The following MYO10 variants were observed in gnomAD, a reference collection of about 807,000 sequenced individuals.
MYO10 encodes myosin X.
In MYO10, 133 loss-of-function variants were observed where a neutral mutation model predicts 257.3. The observed-to-expected ratio is 0.52, with a 90% confidence interval of 0.45 to 0.60. The LOEUF (loss-of-function observed/expected upper bound fraction) is 0.60. Ranked by LOEUF, MYO10 falls within the 20% of genes least tolerant of loss-of-function variation. The probability of loss-of-function intolerance (pLI) is 0.00; values close to 1 mark genes in which losing one functional copy is unlikely to be tolerated. For missense variants in MYO10, 2,399 were observed against 2,635.7 expected, an observed-to-expected ratio of 0.91 and a Z score of 1.97; for synonymous variants, 1,104 against 1,028.6, an observed-to-expected ratio of 1.07 and a Z score of -1.40.
intron 4 of MYO10, among the ~76,000 whole-genome samples, chr5:16,793,745 C>T (rs1283881606): frequency 6.6e-6 from 1 of 152,132 alleles, no homozygotes; most frequent in Non-Finnish European, 1.5e-5. Flanking sequence ...GCCTGACCAA[C>T]ACAGAGAAAC....
Position 16,663,888 on chromosome 5 carries a change from C to T in MYO10, c.*2804G>A, listed in dbSNP as rs1410886819. On this transcript the variant is annotated 3_prime_UTR_variant, in exon 41 of 41. Transcript: ENST00000513610. ...TGAGCATCTGTGAATTTTGTATCCTCAGGGGTGGGGGGAGGGGGTCCTGGA... is the reference window on the plus strand; with the variant it reads ...TGAGCATCTGTGAATTTTGTATCCTTAGGGGTGGGGGGAGGGGGTCCTGGA... 1 of 89,738 alleles carries T rather than the reference C, an allele frequency of 1.1e-5. No individual in the cohort carries two copies. Among genetic ancestry groups the T allele is most frequent in the African/African-American group, 4.6e-5 (1 of 21,622 alleles). The allele number at this position is 89,738 out of a possible 1,614,324, so 5.6% of individuals were successfully genotyped here.
chr5:16,711,393 A>C, intron 19 of MYO10, 148 bp from the exon 20 acceptor site: 1 of 845,680 alleles, frequency 1.2e-6, no homozygotes, highest in Non-Finnish European at 1.8e-6. Context: ...AGAGACTAGC[A>C]CAGGAACCCC....
At chr5:16,862,518 C>T (rs1239039301) in intron 2 of MYO10, among the ~76,000 whole-genome samples, 2 of 151,990 alleles carry the variant, frequency 1.3e-5, no homozygotes, top group Admixed American at 6.6e-5. Flanking sequence ...TTTTTGTTCC[C>T]AAACAAGGCC....
chr5:16,707,246 G>A (rs533409579), intron 21 of MYO10, among the ~76,000 whole-genome samples: 36 of 152,090 alleles, frequency 2.4e-4, no homozygotes, highest in South Asian at 2.1e-4. Context: ...ACCCAGTCTC[G>A]GGTATGTCTT....
chr5:16,736,831 T>C (rs1247405049), intron 19 of MYO10, among the ~76,000 whole-genome samples: 3 of 152,234 alleles, frequency 2.0e-5, no homozygotes, highest in Admixed American at 6.5e-5. Flanking sequence ...TTGGCCTTCA[T>C]AATCCAGCGG....
intron 19 of MYO10, among the ~76,000 whole-genome samples, 188 bp from the exon 20 acceptor site, chr5:16,711,433 G>A (rs1199400393): frequency 6.6e-6 from 1 of 152,076 alleles, no homozygotes; most frequent in African/African-American, 2.4e-5. Context: ...CTTAACAACC[G>A]TCAACCCCTG....
At chr5:16,850,603 G>A (rs1391115535) in intron 2 of MYO10, among the ~76,000 whole-genome samples, 1 of 151,510 alleles carries the variant, frequency 6.6e-6, no homozygotes, top group African/African-American at 2.4e-5. Flanking sequence ...ATTTTAGAAA[G>A]AAAAATGAAA....
At chr5:16,685,928 T>G in intron 28 of MYO10, 97 bp from the exon 29 acceptor site, 2 of 863,748 alleles carry the variant, frequency 2.3e-6, no homozygotes, top group Non-Finnish European at 3.7e-6. Flanking sequence ...ATGACATCTC[T>G]AAGCACCTTT....
intron 1 of MYO10, among the ~76,000 whole-genome samples, chr5:16,885,444 G>C (rs1251048732): frequency 2.0e-5 from 3 of 152,132 alleles, no homozygotes; most frequent in African/African-American, 7.2e-5. Context: ...GGCCAAGGCA[G>C]GCGGATCACC....
intron 3 of MYO10, chr5:16,815,443 G>A (rs927102394): frequency 5.0e-5 from 35 of 701,042 alleles, no homozygotes; most frequent in Non-Finnish European, 8.6e-5. Context: ...TTTGGATTAG[G>A]TATATTCAAC....
intron 40 of MYO10, 49 bp downstream of exon 40, chr5:16,668,228 T>C (rs766860942): frequency 6.5e-7 from 1 of 1,531,832 alleles, no homozygotes; most frequent in Non-Finnish European, 8.8e-7. Context: ...CCTGTTTTTC[T>C]GTTTTGTCAA....
At chr5:16,675,996 G>C in intron 34 of MYO10, 35 bp downstream of exon 34, 2 of 1,583,410 alleles carry the variant, frequency 1.3e-6, no homozygotes, top group Non-Finnish European at 1.7e-6. Context: ...TGGAATCATG[G>C]TCTCTGAGGA....
intron 33 of MYO10, among the ~76,000 whole-genome samples, chr5:16,678,701 C>T (rs1027682042): frequency 2.0e-5 from 3 of 152,180 alleles, no homozygotes; most frequent in Admixed American, 6.5e-5. Context: ...AAATTATCCA[C>T]CACTGATGGA....
intron 2 of MYO10, among the ~76,000 whole-genome samples, chr5:16,851,432 A>C (rs1743797061): frequency 6.6e-6 from 1 of 152,188 alleles, no homozygotes; most frequent in Non-Finnish European, 1.5e-5. Flanking sequence ...ACATCTTTAC[A>C]AATGACACTT....
rs547522372 is a variant in MYO10 at position 16,906,516 on chromosome 5, A to G, written c.22-28809T>C. 5.3e-5 allele frequency among the ~76,000 whole-genome samples: 8 copies of G among 152,334 alleles called. No homozygotes were observed. The South Asian group carries it at 1.0e-3, about 20-fold the overall frequency. On this transcript the variant is annotated intron_variant, in intron 1 of 40. Transcript: ENST00000513610. ...GAGAAACCACCACTCTAGAGAGAAG[A>G]GAGCTACTGCTTCTTCAGGCCCAGG...
rs1212211833 is a variant in MYO10 at position 16,793,919 on chromosome 5, G to A, written c.467+727C>T. Among the ~76,000 whole-genome samples, 4 of 131,066 alleles carry A rather than the reference G, an allele frequency of 3.1e-5. No homozygotes were observed. The East Asian group carries it at 6.9e-4, about 23-fold the overall frequency. The allele number at this position is 131,066 out of a possible 152,430, so 86.0% of individuals were successfully genotyped here. A position where few individuals can be genotyped will look rare whatever the true frequency, so the allele number is the denominator to read the frequency against. ...GCACTCCAGCCTGGGCAACAAGAGCGAAACTCCAACTCAAAAAAAAAAAAA... is the reference window on the plus strand; with the variant it reads ...GCACTCCAGCCTGGGCAACAAGAGCAAAACTCCAACTCAAAAAAAAAAAAA... On this transcript the variant is annotated intron_variant, in intron 4 of 40. Coordinates refer to ENST00000513610, the MANE Select transcript of MYO10 (RefSeq NM_012334.3).
At chr5:16,875,399 G>A (rs1214071137) in intron 2 of MYO10, among the ~76,000 whole-genome samples, 6 of 152,112 alleles carry the variant, frequency 3.9e-5, no homozygotes, top group African/African-American at 1.4e-4. Flanking sequence ...TTTAAGCAGT[G>A]CCTGATACTA....
At chr5:16,875,602 T>G (rs547997085) in intron 2 of MYO10, among the ~76,000 whole-genome samples, 171 of 152,236 alleles carry the variant, frequency 1.1e-3, no homozygotes, top group Non-Finnish European at 2.2e-3. Context: ...CACAGTTATA[T>G]CTATATACTG....
At chr5:16,689,778 G>C in intron 28 of MYO10, 46 bp downstream of exon 28, 1 of 1,460,400 alleles carries the variant, frequency 6.8e-7, no homozygotes, top group Non-Finnish European at 9.6e-7. Flanking sequence ...ACCTGTGCAT[G>C]AGGGAGCAGG....
Sources: gnomAD v4.1 joint callset for allele counts (sites outside exome capture counted in the v4.1 genomes callset) on GRCh38, gnomAD v4.1.1 for gene constraint, MANE v1.5 for transcripts, NCBI Gene and HGNC (gene_info 2026-07-23, HGNC 2026-07-21) for gene names.